The following ZNF385D variants were observed in gnomAD, a reference collection of about 807,000 sequenced individuals.
The protein encoded by ZNF385D is zinc finger protein 659.
A neutral mutation model predicts 35.8 loss-of-function variants in ZNF385D; 15 were observed. The observed-to-expected ratio is 0.42, with a 90% CI of 0.28 to 0.64. The LOEUF (loss-of-function observed/expected upper bound fraction) is 0.64, where lower values mean the gene tolerates loss of function less well. Among genes scored for constraint, ZNF385D ranks in the 30% least tolerant of loss-of-function variants. The pLI is 0.23. For synonymous variants in ZNF385D, 212 were observed against 186.8 expected, an observed-to-expected ratio of 1.13 and a Z score of -1.10; for missense variants, 474 against 494.6, an observed-to-expected ratio of 0.96 and a Z score of 0.39.
intron 3 of ZNF385D, among the ~76,000 whole-genome samples, chr3:22,112,838 T>C (rs180945334): frequency 4.7e-5 from 7 of 147,886 alleles, no homozygotes; most frequent in East Asian, 2.0e-4. Flanking sequence ...ACCCTTCCTA[T>C]GGGGGGGAAA....
intron 3 of ZNF385D, among the ~76,000 whole-genome samples, chr3:21,871,219 A>G (rs1366956635): frequency 6.6e-6 from 1 of 152,084 alleles, no homozygotes; most frequent in African/African-American, 2.4e-5. Context: ...TCTACCTAGA[A>G]CATTCTTCCC....
intron 3 of ZNF385D, among the ~76,000 whole-genome samples, chr3:21,806,260 T>G (rs2072641821): frequency 6.6e-6 from 1 of 151,806 alleles, no homozygotes; most frequent in Non-Finnish European, 1.5e-5. Flanking sequence ...TCTAAACTCT[T>G]TTTGTATTTG....
intron 3 of ZNF385D, among the ~76,000 whole-genome samples, chr3:21,771,696 A>C (rs1169007121): frequency 6.6e-6 from 1 of 151,956 alleles, no homozygotes; most frequent in East Asian, 1.9e-4. Context: ...TCTTCCCGAG[A>C]CCAAGAGACA....
intron 1 of ZNF385D, among the ~76,000 whole-genome samples, chr3:21,720,547 C>T (rs1242895390): frequency 6.6e-6 from 1 of 152,122 alleles, no homozygotes; most frequent in African/African-American, 2.4e-5. Context: ...GAACAAGACC[C>T]TGTCTCAAAA....
intron 2 of ZNF385D, among the ~76,000 whole-genome samples, chr3:21,653,503 A>G (rs2065983991): frequency 6.6e-6 from 1 of 152,128 alleles, no homozygotes; most frequent in East Asian, 1.9e-4. Context: ...AAACATATGT[A>G]TACATATACA....
rs533868316 is a variant in ZNF385D at position 22,324,746 on chromosome 3, C to A, written c.106+47704G>T. On this transcript the variant is annotated intron_variant, in intron 2 of 5. Transcript: ENST00000494108. ...GCATTTTGAAAAAAGAAATCCATTA[C>A]TGCCTTCCCTCACCACAAGTGCTAC... 1.1e-4 allele frequency among the ~76,000 whole-genome samples: 16 copies of A among 152,284 alleles called. No individual in the cohort carries two copies. In the South Asian group the frequency reaches 2.7e-3, roughly 26 times the overall value.
intron 2 of ZNF385D, among the ~76,000 whole-genome samples, chr3:22,252,711 G>A (rs1004493801): frequency 2.6e-5 from 4 of 152,068 alleles, no homozygotes; most frequent in Non-Finnish European, 5.9e-5. Flanking sequence ...GTGTCAGACA[G>A]AGATGGCATG....
chr3:22,013,167 T>C (rs563702072), intron 3 of ZNF385D, among the ~76,000 whole-genome samples: 1 of 152,252 alleles, frequency 6.6e-6, no homozygotes, highest in Admixed American at 6.5e-5. Flanking sequence ...TAAAAATGTG[T>C]TAAAACTGAA....
intron 2 of ZNF385D, among the ~76,000 whole-genome samples, chr3:22,215,636 T>G (rs946027279): frequency 6.6e-6 from 1 of 152,048 alleles, no homozygotes; most frequent in African/African-American, 2.4e-5. Context: ...CGAAACTTCA[T>G]TAGCAATTTT....
Position 21,710,119 on chromosome 3 carries a change from C to T in ZNF385D, c.22+40776G>A, listed in dbSNP as rs185038858. ...ACTACAGAAACAGATATCAGACAAG[C>T]GCTTTCAGGAGTTGGGTATGGGGGT... On this transcript the variant is annotated intron_variant, in intron 1 of 7. Coordinates refer to ENST00000281523, the MANE Select transcript of ZNF385D (RefSeq NM_024697.3). Among the ~76,000 whole-genome samples, 5 of 152,150 alleles carry T rather than the reference C, an allele frequency of 3.3e-5. No homozygotes were observed. The East Asian group carries it at 5.8e-4, about 18-fold the overall frequency.
intron 3 of ZNF385D, among the ~76,000 whole-genome samples, chr3:22,034,254 C>G (rs919290916): frequency 4.6e-5 from 7 of 152,102 alleles, no homozygotes; most frequent in Admixed American, 3.3e-4. Flanking sequence ...TTACAGGAGT[C>G]AAAAGAGAGC....
intron 3 of ZNF385D, among the ~76,000 whole-genome samples, chr3:21,821,317 C>T (rs142579696): frequency 6.6e-6 from 1 of 152,028 alleles, no homozygotes; most frequent in Non-Finnish European, 1.5e-5. Flanking sequence ...TTGTCCTTAT[C>T]TCAATAGTAG....
chr3:21,644,423 A>G lies in ZNF385D; in HGVS notation c.165+20463T>C, dbSNP rs572015840. Among the ~76,000 whole-genome samples, 4 of 152,254 alleles carry G rather than the reference A, an allele frequency of 2.6e-5. No individual in the cohort carries two copies. The East Asian group carries it at 7.8e-4, about 30-fold the overall frequency. ...ACAGAATGCAGGTTCACACACAGTC[A>G]CACTCACTCACACTGAGACAAGGTA... On this transcript the variant is annotated intron_variant, in intron 2 of 7. Coordinates refer to ENST00000281523, the MANE Select transcript of ZNF385D (RefSeq NM_024697.3).
chr3:22,066,206 G>A (rs1217276696), intron 3 of ZNF385D, among the ~76,000 whole-genome samples: 1 of 151,850 alleles, frequency 6.6e-6, no homozygotes, highest in Non-Finnish European at 1.5e-5. Flanking sequence ...CAAAAGTTAT[G>A]CTCAGAAAAG....
chr3:22,306,558 A>C (rs551709908), intron 2 of ZNF385D, among the ~76,000 whole-genome samples: 1 of 152,126 alleles, frequency 6.6e-6, no homozygotes, highest in Non-Finnish European at 1.5e-5. Context: ...ACTGCCGTCT[A>C]TGCAGTGGGA....
intron 2 of ZNF385D, among the ~76,000 whole-genome samples, chr3:21,637,307 T>C (rs6781689): frequency 0.027 from 4,139 of 152,184 alleles, 188 homozygotes; most frequent in African/African-American, 0.092. Context: ...CAGGTTTCAT[T>C]CTCCTACAGG....
At position 21,970,104 on chromosome 3, in the gene ZNF385D, G is replaced by A. The variant is rs530776982; in HGVS notation, c.325+198713C>T. Among the ~76,000 whole-genome samples, 4 of 152,176 alleles carry A rather than the reference G, an allele frequency of 2.6e-5. No individual in the cohort carries two copies. In the East Asian group the frequency reaches 5.8e-4, roughly 22 times the overall value. ...TGGAAATGCTTCCCAAGAAGGACAG[G>A]TACAAACAAGCTGAACTATGAAGGT... On this transcript the variant is annotated intron_variant, in intron 3 of 5. Coordinates refer to the ZNF385D transcript ENST00000494108.
At chr3:21,767,701 G>C (rs951250449) in intron 3 of ZNF385D, among the ~76,000 whole-genome samples, 3 of 151,726 alleles carry the variant, frequency 2.0e-5, no homozygotes, top group Non-Finnish European at 4.4e-5. Context: ...AGGAAGAGAG[G>C]GTAGAGAGGA....
intron 3 of ZNF385D, among the ~76,000 whole-genome samples, chr3:22,135,628 C>A (rs1177771389): frequency 6.6e-6 from 1 of 152,094 alleles, no homozygotes; most frequent in East Asian, 1.9e-4. Context: ...TAAGCTGACT[C>A]TACAACTTAA....
Sources: gnomAD v4.1 joint callset for allele counts (sites outside exome capture counted in the v4.1 genomes callset) on GRCh38, gnomAD v4.1.1 for gene constraint, MANE v1.5 for transcripts, NCBI Gene and HGNC (gene_info 2026-07-23, HGNC 2026-07-21) for gene names.